Variants in CNTNAP2 observed in about 807,000 individuals in gnomAD.
CNTNAP2 encodes contactin-associated protein-like 2.
Under a neutral mutation model 155.2 loss-of-function variants are expected in CNTNAP2, and 98 were observed. The observed-to-expected ratio is 0.63, with a 90% CI of 0.54 to 0.75. CNTNAP2 has a LOEUF of 0.75. CNTNAP2 is among the 30% of genes least tolerant of loss of function. The pLI is 0.00. For synonymous variants in CNTNAP2, 651 were observed against 631.2 expected (o/e 1.03, Z -0.47); for missense variants, 1,727 against 1,688.1 (o/e 1.02, Z -0.40).
intron 1 of CNTNAP2, among the ~76,000 whole-genome samples, chr7:146,163,433 CA>C (rs1188671947): frequency 1.3e-5 from 2 of 149,080 alleles, no homozygotes; most frequent in African/African-American, 4.9e-5. Context: ...AATAAAAATA[CA>C]AAACCCCATC....
chr7:147,247,036 T>C (rs1804084428), intron 8 of CNTNAP2, among the ~76,000 whole-genome samples: 1 of 152,210 alleles, frequency 6.6e-6, no homozygotes, highest in Non-Finnish European at 1.5e-5. Flanking sequence ...AAGTCTCTAC[T>C]TCAGTCCCTG....
intron 3 of CNTNAP2, among the ~76,000 whole-genome samples, chr7:146,966,792 C>A (rs762240285): frequency 6.6e-6 from 1 of 152,196 alleles, no homozygotes; most frequent in Non-Finnish European, 1.5e-5. Context: ...AAAACCTTTT[C>A]TGTACTCCTG....
intron 10 of CNTNAP2, among the ~76,000 whole-genome samples, chr7:147,408,737 G>A (rs543101128): frequency 7.9e-5 from 12 of 152,230 alleles, no homozygotes; most frequent in African/African-American, 2.4e-4. Context: ...CAGCCTGGGC[G>A]ACAGAGCGAG....
chr7:147,225,723 A>C (rs963194936), intron 8 of CNTNAP2, among the ~76,000 whole-genome samples: 3 of 148,302 alleles, frequency 2.0e-5, no homozygotes, highest in African/African-American at 7.5e-5. Context: ...CACTCCAAGT[A>C]CTTTAAGTTA....
At chr7:147,601,766 G>A (rs1800951572) in intron 12 of CNTNAP2, among the ~76,000 whole-genome samples, 1 of 150,430 alleles carries the variant, frequency 6.6e-6, no homozygotes, top group Admixed American at 6.6e-5. Flanking sequence ...TAATTGTCCT[G>A]TAATTTTTTT....
chr7:146,125,943 G>A (rs1020363110), intron 1 of CNTNAP2, among the ~76,000 whole-genome samples: 1 of 152,142 alleles, frequency 6.6e-6, no homozygotes, highest in South Asian at 2.1e-4. Flanking sequence ...CGTTCTGCTT[G>A]TATTACGTAA....
rs386411606 is a variant in CNTNAP2, at chr7:147,950,364, CAAAAAAAAAAAAA to C, written c.2256-27481_2256-27469del. Among the ~76,000 whole-genome samples the C allele has an allele frequency of 4.0e-3, 225 of 55,786 alleles. 1 individual carries two copies. The highest frequency in any genetic ancestry group is 4.9e-3 in the Non-Finnish European group (177 of 36,126). 36.6% of individuals were successfully genotyped at this position (55,786 alleles called of 152,430 possible). The stretch of plus-strand genomic sequence containing the variant: ...AGCTTAAGCTATACACATAGAGAGG[CAAAAAAAAAAAAA>C]AAAAAAAAAAAAAAAAGACCTTACA... On this transcript the variant is annotated intron_variant, in intron 14 of 23. Coordinates refer to ENST00000361727, the MANE Select transcript of CNTNAP2 (RefSeq NM_014141.6).
intron 13 of CNTNAP2, among the ~76,000 whole-genome samples, chr7:147,898,982 G>A (rs78313720): frequency 0.019 from 2,875 of 152,088 alleles, 83 homozygotes; most frequent in African/African-American, 0.066. Flanking sequence ...TTTTAGGTCT[G>A]AATAATATTC....
intron 10 of CNTNAP2, among the ~76,000 whole-genome samples, chr7:147,484,650 G>A (rs114724767): frequency 2.8e-4 from 43 of 152,308 alleles, no homozygotes; most frequent in African/African-American, 9.6e-4. Flanking sequence ...TCAGAGCCAG[G>A]GGCTCCATGC....
chr7:148,260,847 A>T (rs759667630), intron 20 of CNTNAP2, among the ~76,000 whole-genome samples: 1 of 152,220 alleles, frequency 6.6e-6, no homozygotes, highest in Non-Finnish European at 1.5e-5. Context: ...CAGGCATGTG[A>T]GGGCCTTCAC....
chr7:146,947,557 G>GTCTA (rs1472982138), intron 3 of CNTNAP2, among the ~76,000 whole-genome samples: 2 of 50,734 alleles, frequency 3.9e-5, no homozygotes, highest in East Asian at 6.4e-4. Flanking sequence ...GTGTGTGTGT[G>GTCTA]TATATATATA....
chr7:146,468,378 T>A (rs1796745718), intron 1 of CNTNAP2, among the ~76,000 whole-genome samples: 4 of 150,894 alleles, frequency 2.7e-5, no homozygotes, highest in Admixed American at 2.6e-4. Flanking sequence ...AACCTCAGAA[T>A]CATGCAATAC....
chr7:146,695,667 T>C (rs1261426399), intron 1 of CNTNAP2, among the ~76,000 whole-genome samples: 1 of 152,140 alleles, frequency 6.6e-6, no homozygotes, highest in Non-Finnish European at 1.5e-5. Context: ...GCTCAAGCAA[T>C]TCACCTGCCT....
intron 2 of CNTNAP2, among the ~76,000 whole-genome samples, chr7:146,791,701 C>A (rs2129189164): frequency 6.6e-6 from 1 of 152,266 alleles, no homozygotes; most frequent in East Asian, 1.9e-4. Flanking sequence ...ATTATCAGTT[C>A]TCCTCAGCAA....
intron 13 of CNTNAP2, among the ~76,000 whole-genome samples, chr7:147,743,658 T>A (rs1796991659): frequency 6.6e-6 from 1 of 150,384 alleles, no homozygotes; most frequent in Non-Finnish European, 1.5e-5. Flanking sequence ...CTTAGTTGAG[T>A]GCCATTTTCT....
At chr7:146,186,638 T>G (rs927368424) in intron 1 of CNTNAP2, among the ~76,000 whole-genome samples, 2 of 152,212 alleles carry the variant, frequency 1.3e-5, no homozygotes, top group African/African-American at 4.8e-5. Context: ...TATATATGAA[T>G]GACAATTTGG....
intron 21 of CNTNAP2, among the ~76,000 whole-genome samples, chr7:148,346,462 C>G (rs530419796): frequency 6.6e-6 from 1 of 152,098 alleles, no homozygotes; most frequent in African/African-American, 2.4e-5. Context: ...GTAATGATTG[C>G]GATTTTTGCC....
chr7:148,003,324 C>A (rs577702753), intron 15 of CNTNAP2, among the ~76,000 whole-genome samples: 2 of 152,254 alleles, frequency 1.3e-5, no homozygotes, highest in South Asian at 4.1e-4. Context: ...CTTCTCCCAG[C>A]CCCTAATACT....
intron 13 of CNTNAP2, among the ~76,000 whole-genome samples, chr7:147,851,921 A>C (rs1235541645): frequency 6.6e-6 from 1 of 151,484 alleles, no homozygotes; most frequent in Non-Finnish European, 1.5e-5. Flanking sequence ...AATAATAAGA[A>C]TAATAATAAA....
Sources: gnomAD v4.1 joint callset for allele counts (sites outside exome capture counted in the v4.1 genomes callset) on GRCh38, gnomAD v4.1.1 for gene constraint, MANE v1.5 for transcripts, NCBI Gene and HGNC (gene_info 2026-07-23, HGNC 2026-07-21) for gene names.